Variants in TSPEAR observed in about 807,000 individuals in gnomAD.
The protein encoded by TSPEAR is thrombospondin-type laminin G domain and EAR repeat-containing protein.
In TSPEAR, 69 loss-of-function variants were observed where a neutral mutation model predicts 71.6. The ratio of observed to expected loss-of-function variants is 0.96; its 90% CI spans 0.79 to 1.18. The LOEUF (loss-of-function observed/expected upper bound fraction) is 1.18. Ranked by LOEUF, TSPEAR falls within the 50% of genes most tolerant of loss-of-function variation. The pLI, the probability that TSPEAR is intolerant of heterozygous loss-of-function variation, is 0.00. For missense variants in TSPEAR, 971 were observed against 894.9 expected (o/e 1.09, Z -1.09); for synonymous variants, 402 against 387.2 (o/e 1.04, Z -0.45).
chr21:44,649,754 G>T (rs1475208151), intron 1 of TSPEAR, among the ~76,000 whole-genome samples: 1 of 152,194 alleles, frequency 6.6e-6, no homozygotes, highest in Non-Finnish European at 1.5e-5. Context: ...TCCTGTGTGT[G>T]CAGTGGGCTT....
intron 1 of TSPEAR, among the ~76,000 whole-genome samples, chr21:44,689,133 G>A (rs1322841612): frequency 6.6e-6 from 1 of 152,120 alleles, no homozygotes; most frequent in Non-Finnish European, 1.5e-5. Flanking sequence ...GGAAGCCAGC[G>A]GCACGAAAAG....
rs782033559 is a variant in TSPEAR, at chr21:44,539,568, T to C, written c.304-5645A>G. The C allele has an allele frequency of 1.3e-5, 21 of 1,611,948 alleles. No homozygotes were observed. The East Asian group carries it at 4.7e-4, about 36-fold the overall frequency. The stretch of plus-strand genomic sequence containing the variant: ...CAGACGGGCACACAGCAGATGGGCT[T>C]GCAGCAGACAGGCTTGCAACGGACG... On this transcript the variant is annotated intron_variant, in intron 2 of 11. Transcript: ENST00000323084.
At chr21:44,671,332 T>G (rs764495706) in intron 1 of TSPEAR, among the ~76,000 whole-genome samples, 1 of 152,236 alleles carries the variant, frequency 6.6e-6, no homozygotes. Context: ...GACCCATCCA[T>G]GCATCCAACC....
chr21:44,598,910 T>C (rs1303892161), intron 1 of TSPEAR, among the ~76,000 whole-genome samples: 1 of 152,216 alleles, frequency 6.6e-6, no homozygotes, highest in Non-Finnish European at 1.5e-5. Context: ...ATATTTCACC[T>C]TTGAACAATG....
At chr21:44,525,315 A>C (rs946828613) in intron 8 of TSPEAR, among the ~76,000 whole-genome samples, 1 of 152,160 alleles carries the variant, frequency 6.6e-6, no homozygotes, top group African/African-American at 2.4e-5. Flanking sequence ...GTCAGTCATC[A>C]GGTAATTAGG....
At chr21:44,615,703 A>G (rs1982046153) in intron 1 of TSPEAR, among the ~76,000 whole-genome samples, 1 of 152,072 alleles carries the variant, frequency 6.6e-6, no homozygotes, top group African/African-American at 2.4e-5. Flanking sequence ...GCAGCTGAAG[A>G]TGGCCAACTT....
intron 1 of TSPEAR, among the ~76,000 whole-genome samples, chr21:44,657,575 C>T (rs1288868751): frequency 2.0e-5 from 3 of 152,188 alleles, no homozygotes; most frequent in African/African-American, 7.2e-5. Context: ...TTTTACTCTA[C>T]AAAATTAAAG....
intron 10 of TSPEAR, among the ~76,000 whole-genome samples, chr21:44,505,998 G>GTGGCCT (rs1190896640): frequency 6.6e-6 from 1 of 152,208 alleles, no homozygotes; most frequent in Non-Finnish European, 1.5e-5. Context: ...TCACAGTGCT[G>GTGGCCT]TGGCCTCTGT....
At chr21:44,518,604 C>A (rs976319490) in intron 9 of TSPEAR, 5 of 467,282 alleles carry the variant, frequency 1.1e-5, no homozygotes, top group Admixed American at 2.4e-5. Flanking sequence ...ACGAGAAAGT[C>A]ACTTGTGGTG....
intron 1 of TSPEAR, among the ~76,000 whole-genome samples, chr21:44,583,277 G>A (rs753637605): frequency 1.4e-4 from 21 of 152,230 alleles, no homozygotes; most frequent in Non-Finnish European, 2.4e-4. Context: ...GTGGCCCACG[G>A]CCGTGTCTTC....
At chr21:44,512,855 G>C (rs139846337) in intron 9 of TSPEAR, among the ~76,000 whole-genome samples, 234 of 152,310 alleles carry the variant, frequency 1.5e-3, no homozygotes, top group African/African-American at 5.4e-3. Flanking sequence ...TCACCTGCCT[G>C]GGTGCTGCTA....
chr21:44,705,953 C>T (rs1196140909), intron 1 of TSPEAR, among the ~76,000 whole-genome samples: 1 of 152,180 alleles, frequency 6.6e-6, no homozygotes, highest in African/African-American at 2.4e-5. Context: ...ACAGATCCTA[C>T]CAACGTGTGA....
chr21:44,568,380 G>C (rs977508712), intron 1 of TSPEAR, among the ~76,000 whole-genome samples: 2 of 152,206 alleles, frequency 1.3e-5, no homozygotes, highest in East Asian at 1.9e-4. Context: ...CAAAGGAAAC[G>C]CAGGAAGCGG....
chr21:44,599,172 C>CTCT (rs1372930980), intron 1 of TSPEAR, among the ~76,000 whole-genome samples: 12 of 146,056 alleles, frequency 8.2e-5, no homozygotes, highest in East Asian at 2.0e-4. Context: ...CTCTCTCTCT[C>CTCT]CTTCCATCCC....
intron 1 of TSPEAR, among the ~76,000 whole-genome samples, chr21:44,590,511 C>G (rs116776594): frequency 0.031 from 4,697 of 152,224 alleles, 247 homozygotes; most frequent in African/African-American, 0.11. Context: ...TGTGTTCTCG[C>G]CAGCGATGCC....
intron 1 of TSPEAR, chr21:44,601,420 G>A (rs75428839): frequency 0.036 from 57,293 of 1,611,846 alleles, 1,594 homozygotes; most frequent in East Asian, 0.16. Context: ...GGGCTGCTGC[G>A]TGCCCGTCTG....
At chr21:44,679,010 A>T (rs906347845) in intron 1 of TSPEAR, among the ~76,000 whole-genome samples, 1 of 152,206 alleles carries the variant, frequency 6.6e-6, no homozygotes. Context: ...GCTTCAAAAC[A>T]ACCTTGACGT....
intron 1 of TSPEAR, among the ~76,000 whole-genome samples, chr21:44,680,183 T>TCAA (rs1276709294): frequency 1.3e-5 from 2 of 151,704 alleles, no homozygotes; most frequent in Non-Finnish European, 2.9e-5. Context: ...CTCAAACAAC[T>TCAA]CAACAACAAC....
rs1456291823 is a variant in TSPEAR, at chr21:44,593,867, C to T, written c.83-25862G>A. 6.6e-6 allele frequency among the ~76,000 whole-genome samples: 1 copy of T among 152,196 alleles called. No individual in the cohort carries two copies. Among genetic ancestry groups the T allele is most frequent in the Admixed American group, 6.5e-5 (1 of 15,284 alleles). On this transcript the variant is annotated intron_variant, in intron 1 of 11. Coordinates refer to ENST00000323084, the MANE Select transcript of TSPEAR (RefSeq NM_144991.3). The surrounding 1 kb of genome is among the most constrained non-coding windows in gnomAD (Gnocchi z 5.9). Reference sequence around the variant, plus strand: ...GTTCAAACGACTGCAGCTCATCCACCAGCAGATGCCAACTGACCACGTTCC... The same window carrying T: ...GTTCAAACGACTGCAGCTCATCCACTAGCAGATGCCAACTGACCACGTTCC...
Sources: gnomAD v4.1 joint callset for allele counts (sites outside exome capture counted in the v4.1 genomes callset) on GRCh38, gnomAD v4.1.1 for gene constraint, Gnocchi (gnomAD v3.1) non-coding constraint, MANE v1.5 for transcripts, NCBI Gene and HGNC (gene_info 2026-07-23, HGNC 2026-07-21) for gene names.